Variants in PTPRA observed in about 807,000 individuals in gnomAD.
PTPRA encodes protein tyrosine phosphatase receptor type A.
PTPRA carries 25 observed loss-of-function variants against 104.8 expected under a neutral mutation model. That is an observed-to-expected ratio of 0.24 (90% CI 0.17 to 0.33). The LOEUF is 0.33. PTPRA is among the 10% of genes least tolerant of loss of function. The probability of loss-of-function intolerance (pLI) is 1.00; values close to 1 mark genes in which losing one functional copy is unlikely to be tolerated. For missense variants in PTPRA, 765 were observed against 1,015.3 expected (o/e 0.75, Z 3.35); for synonymous variants, 323 against 368.9 (o/e 0.88, Z 1.43).
chr20:2,985,900 TTTG>T (rs2062884189), intron 6 of PTPRA, among the ~76,000 whole-genome samples: 1 of 151,368 alleles, frequency 6.6e-6, no homozygotes, highest in Non-Finnish European at 1.5e-5. Context: ...TGTTTGTTTG[TTTG>T]TTTGTTTGTT....
At chr20:2,921,736 G>T (rs1315392368) in intron 1 of PTPRA, among the ~76,000 whole-genome samples, 1 of 152,062 alleles carries the variant, frequency 6.6e-6, no homozygotes, top group African/African-American at 2.4e-5. Context: ...TGAAGAAAAG[G>T]GGAACGGAAC....
chr20:2,926,769 C>CTTTTTTTTTTTTTTTTTTTTTTTTTT (rs777386962), intron 2 of PTPRA, among the ~76,000 whole-genome samples: 7 of 85,020 alleles, frequency 8.2e-5, no homozygotes, highest in Non-Finnish European at 1.3e-4. Context: ...TTTCCTTTTC[C>CTTTTTTTTTTTTTTTTTTTTTTTTTT]TTTTTTTTTT....
rs372552177 is a variant in PTPRA at position 2,966,800 on chromosome 20, G to C, written c.415+1598G>C. Among the ~76,000 whole-genome samples the C allele has an allele frequency of 3.9e-5, 6 of 152,182 alleles. No individual in the cohort carries two copies. The East Asian group carries it at 1.2e-3, about 29-fold the overall frequency. ...AAATCACTTTAGCAGGCCACCACTA[G>C]TTGTTTGTTTTGTTTTATTTTAATG... On this transcript the variant is annotated intron_variant, in intron 5 of 23. Transcript: ENST00000399903.
At chr20:3,015,516 C>G (rs1439933425) in intron 11 of PTPRA, among the ~76,000 whole-genome samples, 1 of 151,864 alleles carries the variant, frequency 6.6e-6, no homozygotes. Flanking sequence ...CATGTTGGCC[C>G]CATGCTCTCA....
intron 20 of PTPRA, among the ~76,000 whole-genome samples, chr20:3,033,728 C>G (rs920574367): frequency 4.6e-5 from 7 of 151,508 alleles, no homozygotes; most frequent in African/African-American, 1.7e-4. Context: ...ATGGAGAAAC[C>G]CCGTCTCTAC....
chr20:2,941,718 A>G (rs1203998973), intron 2 of PTPRA, among the ~76,000 whole-genome samples: 1 of 152,008 alleles, frequency 6.6e-6, no homozygotes. Flanking sequence ...TACTCTTTAT[A>G]CTTCAGACAC....
intron 13 of PTPRA, among the ~76,000 whole-genome samples, chr20:3,020,390 G>A (rs12480786): frequency 0.025 from 3,733 of 152,200 alleles, 126 homozygotes; most frequent in African/African-American, 0.072. Context: ...GAGCCACCAC[G>A]CCCGGCCCAC....
intron 2 of PTPRA, among the ~76,000 whole-genome samples, chr20:2,933,127 A>G (rs2060567055): frequency 6.6e-6 from 1 of 152,200 alleles, no homozygotes; most frequent in Non-Finnish European, 1.5e-5. Context: ...GTACACTTTG[A>G]GGTTCTTTTC....
At chr20:2,865,875 A>G in the PTPRA span, 1 of 464,694 alleles carries the variant, frequency 2.2e-6, no homozygotes. The surrounding 1 kb of genome is among the most constrained non-coding windows in gnomAD (Gnocchi z 5.2). Flanking sequence ...AGAGGTGTAT[A>G]GGGCAGGTTT....
intron 2 of PTPRA, among the ~76,000 whole-genome samples, chr20:2,942,772 A>C (rs2060966388): frequency 6.6e-6 from 1 of 151,256 alleles, no homozygotes; most frequent in South Asian, 2.1e-4. Flanking sequence ...TACCTAGTAG[A>C]ATTAATGTAT....
chr20:2,958,592 G>A (rs1171779313), intron 3 of PTPRA, among the ~76,000 whole-genome samples: 7 of 149,606 alleles, frequency 4.7e-5, no homozygotes, highest in African/African-American at 1.5e-4. Flanking sequence ...AGGCCAAGGC[G>A]GGTGGATCAC....
intron 6 of PTPRA, among the ~76,000 whole-genome samples, chr20:2,977,644 C>CA (rs1225842918): frequency 4.6e-4 from 62 of 135,670 alleles, no homozygotes; most frequent in East Asian, 6.3e-4. Flanking sequence ...GACTCTGTCT[C>CA]AAAAAAAAAA....
chr20:2,949,234 C>T (rs905430930), intron 3 of PTPRA, among the ~76,000 whole-genome samples: 1 of 151,728 alleles, frequency 6.6e-6, no homozygotes, highest in Non-Finnish European at 1.5e-5. Flanking sequence ...ATAAAAATTA[C>T]CTATCTAATC....
At chr20:3,019,034 A>AC (rs1203224809) in intron 13 of PTPRA, among the ~76,000 whole-genome samples, 1 of 79,148 alleles carries the variant, frequency 1.3e-5, no homozygotes, top group African/African-American at 5.0e-5. Flanking sequence ...GGGGGGGCTG[A>AC]CCCCCCCACC....
intron 3 of PTPRA, among the ~76,000 whole-genome samples, chr20:2,956,176 G>T (rs2061528693): frequency 6.6e-6 from 1 of 152,146 alleles, no homozygotes; most frequent in African/African-American, 2.4e-5. Context: ...TTCAGTCAGT[G>T]ACCCTCCTTA....
intron 1 of PTPRA, among the ~76,000 whole-genome samples, chr20:2,910,042 ATAAT>A (rs1206162218): frequency 2.4e-5 from 3 of 123,996 alleles, no homozygotes; most frequent in South Asian, 2.3e-4. Context: ...CATATCATAT[ATAAT>A]ATATATCATA....
chr20:2,975,327 G>A (rs1039710315), intron 6 of PTPRA, 86 bp downstream of exon 6: 37 of 1,178,810 alleles, frequency 3.1e-5, no homozygotes, highest in South Asian at 3.1e-4. Context: ...TGTGGTAACC[G>A]TGTGCATCTG....
In PTPRA at chr20:2,923,385, C is replaced by T. The variant is rs777521716; in HGVS notation, c.-50+100C>T. The T allele has an allele frequency of 3.0e-4, 264 of 869,358 alleles. 2 individuals carry two copies. Among genetic ancestry groups the T allele is most frequent in the Non-Finnish European group, 4.0e-4 (253 of 640,274 alleles). The allele number at this position is 869,358 out of a possible 1,614,324, so 53.9% of individuals were successfully genotyped here. A position where few individuals can be genotyped will look rare whatever the true frequency, so the allele number is the denominator to read the frequency against. ...CATGCTTTCCTGCTTCATTTCGTTT[C>T]TAAGCTGTAAGAGTAGCTTATTTTT... On this transcript the variant is annotated intron_variant, in intron 2 of 23. Transcript: ENST00000399903.
intron 14 of PTPRA, 85 bp from the exon 15 acceptor site, chr20:3,021,969 A>G (rs2064893469): frequency 6.6e-7 from 1 of 1,517,630 alleles, no homozygotes; most frequent in Non-Finnish European, 9.0e-7. Flanking sequence ...ATTGTCACTG[A>G]CAACCACAGC....
Sources: gnomAD v4.1 joint callset for allele counts (sites outside exome capture counted in the v4.1 genomes callset) on GRCh38, gnomAD v4.1.1 for gene constraint, Gnocchi (gnomAD v3.1) non-coding constraint, MANE v1.5 for transcripts, NCBI Gene and HGNC (gene_info 2026-07-23, HGNC 2026-07-21) for gene names.